Variants in RALGPS1 observed in about 807,000 individuals in gnomAD.
RALGPS1 encodes the protein ras-specific guanine nucleotide-releasing factor RalGPS1.
A neutral mutation model predicts 78.8 loss-of-function variants in RALGPS1; 19 were observed. The ratio of observed to expected loss-of-function variants is 0.24; its 90% CI spans 0.17 to 0.35. The LOEUF (loss-of-function observed/expected upper bound fraction) is 0.35, where lower values mean the gene tolerates loss of function less well. Ranked by LOEUF, RALGPS1 falls within the 10% of genes least tolerant of loss-of-function variation. RALGPS1 has a pLI of 1.00. For missense variants in RALGPS1, 454 were observed against 688.3 expected (o/e 0.66, Z 3.81); for synonymous variants, 228 against 256.3 (o/e 0.89, Z 1.06).
At chr9:127,003,860 C>T (rs906493387) in intron 4 of RALGPS1, among the ~76,000 whole-genome samples, 1 of 152,182 alleles carries the variant, frequency 6.6e-6, no homozygotes, top group African/African-American at 2.4e-5. Flanking sequence ...CCTGTTGGCA[C>T]TCTGTGAGAG....
intron 1 of RALGPS1, among the ~76,000 whole-genome samples, chr9:126,954,490 A>C (rs1465462672): frequency 6.6e-6 from 1 of 152,182 alleles, no homozygotes; most frequent in Non-Finnish European, 1.5e-5. Flanking sequence ...TCCCCTGCTC[A>C]ACACTCTCTA....
At chr9:127,036,543 A>G (rs765688645) in intron 5 of RALGPS1, among the ~76,000 whole-genome samples, 3 of 152,196 alleles carry the variant, frequency 2.0e-5, no homozygotes, top group Middle Eastern at 3.2e-3. Context: ...ATGTTTTGGG[A>G]GAAGAAAAGA....
At chr9:127,082,262 G>A (rs57957573) in intron 8 of RALGPS1, among the ~76,000 whole-genome samples, 57,280 of 152,156 alleles carry the variant, frequency 0.38, 12,641 homozygotes, top group Non-Finnish European at 0.48. Flanking sequence ...GAGTCTGTAA[G>A]CTGTAGGACA....
chr9:126,962,225 G>T lies in RALGPS1; in HGVS notation c.-65G>T. On this transcript the variant is annotated splice_region_variant and 5_prime_UTR_variant, in exon 2 of 19. Transcript: ENST00000259351. Reference sequence around the variant, plus strand: ...TTTTATGAGCCCCTTTGCCTTGCAGGACTTCTCCAGACAGGTTATGTTACC... The same window carrying T: ...TTTTATGAGCCCCTTTGCCTTGCAGTACTTCTCCAGACAGGTTATGTTACC... The T allele has an allele frequency of 6.4e-7, 1 of 1,558,964 alleles. No individual in the cohort carries two copies. The highest frequency in any genetic ancestry group is 1.1e-5 in the South Asian group (1 of 88,554).
chr9:127,104,447 C>CTATTAGAATAGGTGGGGCAAT (rs1328027702), intron 8 of RALGPS1, among the ~76,000 whole-genome samples: 18 of 152,352 alleles, frequency 1.2e-4, no homozygotes, highest in African/African-American at 4.3e-4. Context: ...ATAGCAGCAG[C>CTATTAGAATAGGTGGGGCAAT]AGGATAGGTG....
chr9:126,998,179 TTAAAC>T (rs1157303121), intron 4 of RALGPS1, among the ~76,000 whole-genome samples: 1 of 151,986 alleles, frequency 6.6e-6, no homozygotes, highest in Non-Finnish European at 1.5e-5. Context: ...TGGGATCTAA[TTAAAC>T]TAAAGAGCTT....
chr9:126,924,221 T>C (rs2035046101), intron 1 of RALGPS1, among the ~76,000 whole-genome samples: 1 of 152,208 alleles, frequency 6.6e-6, no homozygotes. Context: ...CGGTGAAGCA[T>C]TTATCCCAGA....
chr9:127,125,125 A>G (rs1338163817), intron 8 of RALGPS1, among the ~76,000 whole-genome samples: 2 of 152,156 alleles, frequency 1.3e-5, no homozygotes, highest in Non-Finnish European at 2.9e-5. Flanking sequence ...TAAAATGGGG[A>G]TGATATGAGG....
At chr9:127,035,193 C>T (rs576501155) in intron 5 of RALGPS1, among the ~76,000 whole-genome samples, 2 of 152,180 alleles carry the variant, frequency 1.3e-5, no homozygotes, top group African/African-American at 4.8e-5. Flanking sequence ...ATCATAGACC[C>T]TCATTAACAA....
At chr9:127,136,588 G>A (rs2057408957) in intron 8 of RALGPS1, among the ~76,000 whole-genome samples, 1 of 152,092 alleles carries the variant, frequency 6.6e-6, no homozygotes, top group South Asian at 2.1e-4. Flanking sequence ...AATTAAAACA[G>A]TCTGCTCCTA....
At position 127,212,094 on chromosome 9, in the gene RALGPS1, C is replaced by T. The variant is rs2130922596; in HGVS notation, c.1248-37C>T. ...AGTGAGAGGGTGCTTGACCTCAGCT[C>T]CTCCAGGGCGATGTCTGACTGGTAG... On this transcript the variant is annotated intron_variant, in intron 14 of 18. Transcript: ENST00000259351. The surrounding 1 kb of genome is among the most constrained non-coding windows in gnomAD (Gnocchi z 6.0). 2 of 1,556,454 alleles carry T rather than the reference C, an allele frequency of 1.3e-6. No individual in the cohort carries two copies. Among genetic ancestry groups the T allele is most frequent in the Non-Finnish European group, 8.8e-7 (1 of 1,141,524 alleles).
intron 8 of RALGPS1, among the ~76,000 whole-genome samples, chr9:127,117,928 G>A (rs1255864251): frequency 6.6e-6 from 1 of 152,232 alleles, no homozygotes; most frequent in Non-Finnish European, 1.5e-5. Flanking sequence ...GGTACTGCCT[G>A]TCTGGACAAC....
intron 4 of RALGPS1, among the ~76,000 whole-genome samples, chr9:126,980,243 A>AT (rs1295967164): frequency 6.6e-6 from 1 of 152,200 alleles, no homozygotes; most frequent in African/African-American, 2.4e-5. Context: ...TTGGAAGGGC[A>AT]TGAATAAAGT....
At chr9:127,188,561 G>A (rs2140356009) in intron 11 of RALGPS1, among the ~76,000 whole-genome samples, 1 of 152,244 alleles carries the variant, frequency 6.6e-6, no homozygotes, top group South Asian at 2.1e-4. Context: ...CTGCCACCAG[G>A]CTGGTTTATC....
At chr9:127,041,867 T>C (rs1427625607) in intron 5 of RALGPS1, among the ~76,000 whole-genome samples, 1 of 152,168 alleles carries the variant, frequency 6.6e-6, no homozygotes, top group Non-Finnish European at 1.5e-5. Flanking sequence ...GGGGAGGCAG[T>C]TGGCCTCCTC....
Position 127,219,201 on chromosome 9 carries a change from C to G in RALGPS1, c.*432C>G, listed in dbSNP as rs1299815449. On this transcript the variant is annotated 3_prime_UTR_variant, in exon 19 of 19. Coordinates refer to ENST00000259351, the MANE Select transcript of RALGPS1 (RefSeq NM_014636.3). This position sits in a 1 kb window ranked among gnomAD's most constrained non-coding sequence, Gnocchi z 5.0. ...CCAAGTGCATGGGGTTGCTCGCCCACAGGGCTGCCTCAGATTTTGTACAAC... is the reference window on the plus strand; with the variant it reads ...CCAAGTGCATGGGGTTGCTCGCCCAGAGGGCTGCCTCAGATTTTGTACAAC... 4.2e-6 allele frequency: 1 copy of G among 236,734 alleles called. No homozygotes were observed. Among genetic ancestry groups the G allele is most frequent in the Non-Finnish European group, 8.4e-6 (1 of 118,580 alleles). The allele number at this position is 236,734 out of a possible 1,614,324, so 14.7% of individuals were successfully genotyped here.
intron 14 of RALGPS1, among the ~76,000 whole-genome samples, chr9:127,203,921 C>T (rs2061787323): frequency 6.6e-6 from 1 of 152,208 alleles, no homozygotes; most frequent in Non-Finnish European, 1.5e-5. Flanking sequence ...GGCTTGGTGT[C>T]TGTTAGAGTC....
At chr9:127,066,334 C>T (rs770427542) in intron 7 of RALGPS1, among the ~76,000 whole-genome samples, 4 of 152,136 alleles carry the variant, frequency 2.6e-5, no homozygotes, top group Admixed American at 6.5e-5. Context: ...CGTGAGTGGT[C>T]GGCTTAACAA....
chr9:127,010,948 G>T (rs1381257516), intron 4 of RALGPS1, among the ~76,000 whole-genome samples: 4 of 152,178 alleles, frequency 2.6e-5, no homozygotes, highest in Admixed American at 1.3e-4. Context: ...TCTGCCTCTG[G>T]AGAGTCCCAT....
Sources: gnomAD v4.1 joint callset for allele counts (sites outside exome capture counted in the v4.1 genomes callset) on GRCh38, gnomAD v4.1.1 for gene constraint, Gnocchi (gnomAD v3.1) non-coding constraint, MANE v1.5 for transcripts, NCBI Gene and HGNC (gene_info 2026-07-23, HGNC 2026-07-21) for gene names.